The following SCYL1 variants were observed in gnomAD, a reference collection of about 807,000 sequenced individuals.
SCYL1 encodes the protein SCY1 like pseudokinase 1.
SCYL1 carries 85 observed loss-of-function variants against 94.8 expected under a neutral mutation model. The observed-to-expected ratio is 0.90, with a 90% CI of 0.75 to 1.07. SCYL1 has a LOEUF of 1.07. Ranked by LOEUF, SCYL1 falls within the 50% of genes least tolerant of loss-of-function variation. The probability of loss-of-function intolerance (pLI) is 0.00; values close to 1 mark genes in which losing one functional copy is unlikely to be tolerated. For synonymous variants in SCYL1, 459 were observed against 435.5 expected (o/e 1.05, Z -0.67); for missense variants, 968 against 1,083.3 (o/e 0.89, Z 1.49).
chr11:65,531,017 C>T (rs966805865), intron 7 of SCYL1, among the ~76,000 whole-genome samples: 5 of 152,154 alleles, frequency 3.3e-5, no homozygotes, highest in Non-Finnish European at 7.4e-5. Flanking sequence ...TCAGCCCTTC[C>T]TCCATTTCTC....
At position 65,525,250 on chromosome 11, in the gene SCYL1, C is replaced by G. The variant is rs535917264; in HGVS notation, c.97C>G (p.Arg33Gly). 159 of 1,447,030 alleles carry G rather than the reference C, an allele frequency of 1.1e-4. 3 individuals are homozygous for G. The South Asian group carries it at 2.1e-3, about 19-fold the overall frequency. 89.6% of individuals were successfully genotyped at this position (1,447,030 alleles called of 1,614,324 possible). A position where few individuals can be genotyped will look rare whatever the true frequency, so the allele number is the denominator to read the frequency against. The change falls in exon 1 of 18, where the codon CGC becomes GGC. Residue 33 changes from arginine to glycine, a missense_variant. Arg to Gly is a moderately radical substitution (Grantham distance 125). Around this residue, in one of 2 missense-constraint regions of SCYL1, gnomAD observed 494 missense variants for 619.7 expected, o/e 0.80. Coordinates refer to ENST00000270176, the MANE Select transcript of SCYL1 (RefSeq NM_020680.4). The part of the protein sequence containing the change: ...GGLPGPWALH[R>G]GRKKATGSPV... The stretch of plus-strand genomic sequence containing the variant: ...CCTGCCCGGGCCCTGGGCCCTGCAC[C>G]GCGGCCGCAAGAAGGTGAGTGCGGC...
At position 65,538,504 on chromosome 11, in the gene SCYL1, A is replaced by C. The variant is rs764451963; in HGVS notation, c.2365A>C (p.Lys789Gln). 3.1e-6 allele frequency: 5 copies of C among 1,606,414 alleles called. No individual in the cohort carries two copies. The highest frequency in any genetic ancestry group is 1.7e-4 in the Middle Eastern group (1 of 6,050). The change falls in exon 18 of 18, where the codon AAA becomes CAA. Residue 789 changes from lysine (K) to glutamine (Q), a missense_variant. Coordinates refer to ENST00000270176, the MANE Select transcript of SCYL1 (RefSeq NM_020680.4). ...GGAGCGGCGGCGGGAGATGGAGGCC[A>C]AACGCGCCGAGAGGAAGGTGGCCAA... ...REERRREMEA[K>Q]RAERKVAKGP...
intron 9 of SCYL1, chr11:65,533,134 ATTG>A (rs1244048685): frequency 3.4e-6 from 1 of 293,000 alleles, no homozygotes. Context: ...GAAAATATGT[ATTG>A]TTGGCTGGTC....
chr11:65,532,624 G>T, intron 8 of SCYL1, 68 bp from the exon 9 acceptor site: 2 of 1,267,446 alleles, frequency 1.6e-6, no homozygotes, highest in Non-Finnish European at 2.3e-6. Flanking sequence ...AGCCAGGAGC[G>T]GTTCCATGGC....
At position 65,526,303 on chromosome 11, in the gene SCYL1, C is replaced by A; in HGVS notation, c.555C>A (p.Asp185Glu). The A allele has an allele frequency of 6.2e-7, 1 of 1,609,568 alleles. No individual in the cohort carries two copies. The highest frequency in any genetic ancestry group is 8.5e-7 in the Non-Finnish European group (1 of 1,177,272). The change falls in exon 4 of 18, where the codon GAC becomes GAA. Residue 185 changes from aspartate (D) to glutamate (E), a missense_variant. By Grantham distance (45) the Asp-to-Glu change is conservative (BLOSUM62 2). Transcript: ENST00000270176. The surrounding 1 kb of genome is among the most constrained non-coding windows in gnomAD (Gnocchi z 4.1). ...GGATCCCCGAGCTTGAGCAGTATGACCCCCCGGAGTTGGCTGACAGCAGTG... is the reference window on the plus strand; with the variant it reads ...GGATCCCCGAGCTTGAGCAGTATGAACCCCCGGAGTTGGCTGACAGCAGTG... ...RKGIPELEQY[D>E]PPELADSSGR...
intron 6 of SCYL1, 72 bp downstream of exon 6, chr11:65,527,189 C>T (rs562576716): frequency 6.6e-7 from 1 of 1,523,212 alleles, no homozygotes; most frequent in Non-Finnish European, 9.0e-7. Flanking sequence ...TTTCAGGGTA[C>T]CTCACAATTG....
In SCYL1 at chr11:65,537,101, G is replaced by A; in HGVS notation, c.1932G>A (p.Trp644Ter). The change falls in exon 14 of 18, where the codon TGG (tryptophan) becomes TGA (stop). Residue 644 changes from tryptophan (W) to a stop codon, truncating the protein, a stop_gained. Coordinates refer to ENST00000270176, the MANE Select transcript of SCYL1 (RefSeq NM_020680.4). LOFTEE classifies it high-confidence loss of function. ...AGGACAGCAGCACTGCTGACAGATGGGACGACGAAGACTGGGGCAGCCTGG... is the reference window on the plus strand; with the variant it reads ...AGGACAGCAGCACTGCTGACAGATGAGACGACGAAGACTGGGGCAGCCTGG... The part of the protein sequence containing the change: ...TAEDSSTADR[W>*]DDEDWGSLEQ... The A allele has an allele frequency of 6.2e-7, 1 of 1,614,204 alleles. No homozygotes were observed.
Position 65,538,024 on chromosome 11 carries a change from G to A in SCYL1, c.2089G>A (p.Glu697Lys). ...KSPESDWSSW[E>K]AEGSWEQGWQ... ...CCCAGAGTCCGACTGGAGCAGCTGG[G>A]AAGCTGAGGGCTCCTGGGAACAGGG... Residue 697 changes from glutamate (E) to lysine (K), a missense_variant, in exon 16 of 18, where the codon GAA becomes AAA. Around this residue, in one of 2 missense-constraint regions of SCYL1, gnomAD observed 474 missense variants for 463.6 expected, o/e 1.02. Coordinates refer to ENST00000270176, the MANE Select transcript of SCYL1 (RefSeq NM_020680.4). 1 of 1,612,780 alleles carries A rather than the reference G, an allele frequency of 6.2e-7. No homozygotes were observed. Among genetic ancestry groups the A allele is most frequent in the Non-Finnish European group, 8.5e-7 (1 of 1,179,494 alleles).
Position 65,526,144 on chromosome 11 carries a change from C to A in SCYL1, c.396C>A (p.Val132=). 2 of 1,613,110 alleles carry A rather than the reference C, an allele frequency of 1.2e-6. No individual in the cohort carries two copies. The highest frequency in any genetic ancestry group is 2.2e-5 in the South Asian group (2 of 91,056). Residue 132 remains valine (V), a synonymous_variant, in exon 4 of 18, where the codon GTC becomes GTA. Coordinates refer to ENST00000270176, the MANE Select transcript of SCYL1 (RefSeq NM_020680.4). This position sits in a 1 kb window ranked among gnomAD's most constrained non-coding sequence, Gnocchi z 4.1. ...CCCAGAAAGCCCTCAGCTTCCTGGT[C>A]AACGACTGCAGCCTCATCCACAACA... ...HQIVKALSFL[V]NDCSLIHNNV... is the part of the protein sequence containing the mutation.
Position 65,526,979 on chromosome 11 carries a change from GC to G in SCYL1, c.715del (p.His239IlefsTer30), listed in dbSNP as rs1460974817. The G allele has an allele frequency of 1.2e-6, 2 of 1,611,664 alleles. No individual in the cohort carries two copies. The highest frequency in any genetic ancestry group is 1.1e-5 in the South Asian group (1 of 91,044). On this transcript the variant is annotated frameshift_variant, in exon 6 of 18. Coordinates refer to ENST00000270176, the MANE Select transcript of SCYL1 (RefSeq NM_020680.4). LOFTEE classifies it high-confidence loss of function. This position sits in a 1 kb window ranked among gnomAD's most constrained non-coding sequence, Gnocchi z 4.1. ...NPGKIPKTLV[P>X]HYCELVGANP... ...CCCTACAGATCCCCAAAACGCTGGT[GC>G]CCCATTACTGTGAGCTGGTGGGAGC...
intron 10 of SCYL1, 23 bp from the exon 11 acceptor site, chr11:65,535,930 C>T (rs1397244162): frequency 6.5e-7 from 1 of 1,545,782 alleles, no homozygotes; most frequent in Non-Finnish European, 8.7e-7. Flanking sequence ...CACTCAGGAG[C>T]CCTCTTTCCT....
At chr11:65,533,203 C>G in intron 9 of SCYL1, 2 of 207,862 alleles carry the variant, frequency 9.6e-6, no homozygotes, top group Non-Finnish European at 2.0e-5. Context: ...AAGCGGATCA[C>G]CTGAGGTCAG....
intron 6 of SCYL1, among the ~76,000 whole-genome samples, chr11:65,529,605 C>T (rs2135049701): frequency 6.6e-6 from 1 of 152,344 alleles, no homozygotes; most frequent in South Asian, 2.1e-4. Flanking sequence ...CCTCTTTGTC[C>T]CAAGCCAGAG....
chr11:65,536,951 C>T (rs756860328), intron 13 of SCYL1, 35 bp from the exon 14 acceptor site: 2 of 1,564,470 alleles, frequency 1.3e-6, no homozygotes, highest in Non-Finnish European at 1.8e-6. Flanking sequence ...TGTCCCAAGA[C>T]CCCCCTGAAA....
chr11:65,532,824 A>G lies in SCYL1; in HGVS notation c.1230+19A>G, dbSNP rs1355726118. 5 of 1,593,078 alleles carry G rather than the reference A, an allele frequency of 3.1e-6. No individual in the cohort carries two copies. The South Asian group carries it at 5.5e-5, about 18-fold the overall frequency. The stretch of plus-strand genomic sequence containing the variant: ...GGTCAAGGTGGGTGTGGCCAGGCCC[A>G]GAGTGGCTACCCCTGGTTTTCCAAG... On this transcript the variant is annotated intron_variant, in intron 9 of 17. Coordinates refer to ENST00000270176, the MANE Select transcript of SCYL1 (RefSeq NM_020680.4).
chr11:65,530,603 C>G (rs776142203), intron 6 of SCYL1, 26 bp from the exon 7 acceptor site: 1 of 1,601,148 alleles, frequency 6.2e-7, no homozygotes, highest in East Asian at 2.2e-5. Context: ...TGATCTCTTC[C>G]CCGGGTCCCG....
At position 65,525,142 on chromosome 11, in the gene SCYL1, G is replaced by A; in HGVS notation, c.-12G>A. On this transcript the variant is annotated 5_prime_UTR_variant, in exon 1 of 18. Transcript: ENST00000270176. ...AGCTAAGGCGCCCGAACCCGCGGCG[G>A]CGGTGGGGACGATGTGGTTCTTTGC... 7.6e-7 allele frequency: 1 copy of A among 1,318,318 alleles called. No homozygotes were observed. The highest frequency in any genetic ancestry group is 2.1e-5 in the South Asian group (1 of 48,002). The allele number at this position is 1,318,318 out of a possible 1,614,324, so 81.7% of individuals were successfully genotyped here.
chr11:65,528,525 G>A (rs952147066), intron 6 of SCYL1, among the ~76,000 whole-genome samples: 8 of 152,104 alleles, frequency 5.3e-5, no homozygotes, highest in African/African-American at 1.9e-4. Context: ...TTGGGAGGCC[G>A]GGGCTGGCGG....
intron 7 of SCYL1, among the ~76,000 whole-genome samples, chr11:65,531,340 G>A (rs1000035825): frequency 2.0e-5 from 3 of 152,176 alleles, no homozygotes; most frequent in African/African-American, 7.2e-5. Flanking sequence ...AAAGGTACCT[G>A]TTTGTAGGGA....
Sources: gnomAD v4.1 joint callset for allele counts (sites outside exome capture counted in the v4.1 genomes callset) on GRCh38, gnomAD v4.1.1 for gene constraint, gnomAD v4.1.1 regional missense constraint, Gnocchi (gnomAD v3.1) non-coding constraint, MANE v1.5 for transcripts, NCBI Gene and HGNC (gene_info 2026-07-23, HGNC 2026-07-21) for gene names.